The following HEPHL1 variants were observed in gnomAD, a reference collection of about 807,000 sequenced individuals.
HEPHL1 encodes ferroxidase HEPHL1.
In HEPHL1, 123 loss-of-function variants were observed where a neutral mutation model predicts 122.0. The observed-to-expected ratio is 1.01, with a 90% CI of 0.87 to 1.17. The LOEUF (loss-of-function observed/expected upper bound fraction) is 1.17, where lower values mean the gene tolerates loss of function less well. Ranked by LOEUF, HEPHL1 falls within the 50% of genes most tolerant of loss-of-function variation. HEPHL1 has a pLI of 0.00. For missense variants in HEPHL1, 1,452 were observed against 1,430.5 expected, an observed-to-expected ratio of 1.01 and a Z score of -0.24; for synonymous variants, 527 against 508.9, an observed-to-expected ratio of 1.04 and a Z score of -0.48.
At chr11:94,057,182 CT>C (rs1367226964) in intron 2 of HEPHL1, among the ~76,000 whole-genome samples, 2 of 152,070 alleles carry the variant, frequency 1.3e-5, no homozygotes, top group African/African-American at 4.8e-5. Context: ...TCAATATTAT[CT>C]TTTTGTCTTC....
chr11:94,042,638 C>T (rs958992967), intron 1 of HEPHL1, among the ~76,000 whole-genome samples: 5 of 148,728 alleles, frequency 3.4e-5, no homozygotes, highest in African/African-American at 5.0e-5. Flanking sequence ...AAAAATCAAA[C>T]ACCGCATATT....
Position 94,111,857 on chromosome 11 carries a change from A to C in HEPHL1, c.3443A>C (p.Gln1148Pro). The C allele has an allele frequency of 6.5e-7, 1 of 1,531,608 alleles. No homozygotes were observed. The highest frequency in any genetic ancestry group is 8.8e-7 in the Non-Finnish European group (1 of 1,141,688). The allele number at this position is 1,531,608 out of a possible 1,614,324, so 94.9% of individuals were successfully genotyped here. ...CSAMKQTDYQ[Q>P]VQSCALPTDA... ...GCAATGAAGCAGACAGATTACCAGC[A>C]AGTCCAGTCCTGTGCTCTCCCCACG... The change falls in exon 20 of 20, where the codon CAA becomes CCA. Residue 1148 changes from glutamine to proline, a missense_variant. Coordinates refer to ENST00000315765, the MANE Select transcript of HEPHL1 (RefSeq NM_001098672.2).
chr11:94,025,311 T>G (rs1162364697), intron 1 of HEPHL1, among the ~76,000 whole-genome samples: 1 of 152,188 alleles, frequency 6.6e-6, no homozygotes, highest in African/African-American at 2.4e-5. Context: ...GACACTGGGC[T>G]CCTTTGAGTT....
At chr11:94,083,468 A>G (rs530628986) in intron 10 of HEPHL1, among the ~76,000 whole-genome samples, 22 of 152,364 alleles carry the variant, frequency 1.4e-4, no homozygotes, top group African/African-American at 5.0e-4. Context: ...CAGAGTAATG[A>G]GAGTCCAAAC....
intron 9 of HEPHL1, among the ~76,000 whole-genome samples, chr11:94,077,482 G>A (rs756387942): frequency 6.6e-6 from 1 of 152,144 alleles, no homozygotes; most frequent in Admixed American, 6.5e-5. Context: ...CCACATCATG[G>A]AGAATGGGGT....
chr11:94,098,088 T>C (rs1946333864), intron 13 of HEPHL1, among the ~76,000 whole-genome samples: 1 of 152,266 alleles, frequency 6.6e-6, no homozygotes, highest in Admixed American at 6.5e-5. Flanking sequence ...CACTCATTAG[T>C]TGATGCAGTT....
At chr11:94,056,668 T>A (rs1021816858) in intron 2 of HEPHL1, among the ~76,000 whole-genome samples, 1 of 151,236 alleles carries the variant, frequency 6.6e-6, no homozygotes, top group South Asian at 2.1e-4. Flanking sequence ...TATCTATCTA[T>A]CTATCTATCT....
chr11:94,070,392 A>T lies in HEPHL1; in HGVS notation c.1082A>T (p.Tyr361Phe). The T allele has an allele frequency of 6.3e-7, 1 of 1,597,822 alleles. No homozygotes were observed. The highest frequency in any genetic ancestry group is 8.5e-7 in the Non-Finnish European group (1 of 1,171,320). Residue 361 changes from tyrosine (Y) to phenylalanine (F), a missense_variant, in exon 6 of 20, where the codon TAC becomes TTC. By Grantham distance (22) the Tyr-to-Phe change is conservative (BLOSUM62 3). Transcript: ENST00000315765. ...DHLQAGMLGQ[Y>F]NVDNCKSDIF... Reference sequence around the variant, plus strand: ...TCTGCAGCTGGTATGCTGGGGCAATACAATGTTGATAACTGCAAAAGTGAT... The same window carrying T: ...TCTGCAGCTGGTATGCTGGGGCAATTCAATGTTGATAACTGCAAAAGTGAT...
At chr11:94,055,253 G>A in intron 2 of HEPHL1, 1 of 273,240 alleles carries the variant, frequency 3.7e-6, no homozygotes, top group South Asian at 4.5e-5. Context: ...CCATGAATCT[G>A]GCCCTCTCTG....
intron 1 of HEPHL1, among the ~76,000 whole-genome samples, chr11:94,025,862 A>C (rs1028472188): frequency 2.6e-5 from 4 of 152,188 alleles, no homozygotes; most frequent in Admixed American, 6.5e-5. Context: ...CTTCTGTCTT[A>C]TCAGCACCAA....
intron 2 of HEPHL1, chr11:94,055,924 C>G (rs1945932629): frequency 7.9e-7 from 1 of 1,263,630 alleles, no homozygotes. Context: ...CCTGTAACAG[C>G]TAAGGCCAGG....
At chr11:94,075,139 G>T in intron 8 of HEPHL1, 35 bp from the exon 9 acceptor site, 1 of 1,575,920 alleles carries the variant, frequency 6.3e-7, no homozygotes, top group Non-Finnish European at 8.7e-7. Context: ...GTTCTTGCCT[G>T]TTGTTTTGAA....
At chr11:94,098,440 A>T (rs1340208512) in intron 13 of HEPHL1, among the ~76,000 whole-genome samples, 1 of 152,118 alleles carries the variant, frequency 6.6e-6, no homozygotes, top group Non-Finnish European at 1.5e-5. Context: ...CTGGCTGCCC[A>T]TAACATTTTT....
intron 11 of HEPHL1, among the ~76,000 whole-genome samples, chr11:94,088,015 A>G (rs1946232215): frequency 6.6e-6 from 1 of 152,218 alleles, no homozygotes; most frequent in African/African-American, 2.4e-5. Context: ...TTGAGAGTTA[A>G]TATCTTCAAT....
intron 8 of HEPHL1, among the ~76,000 whole-genome samples, chr11:94,074,420 T>C (rs1269678290): frequency 6.6e-6 from 1 of 151,470 alleles, no homozygotes; most frequent in Non-Finnish European, 1.5e-5. Flanking sequence ...TAGCAAGACC[T>C]TGTCTCTTAA....
At chr11:94,032,177 C>T (rs888665478) in intron 1 of HEPHL1, among the ~76,000 whole-genome samples, 9 of 152,148 alleles carry the variant, frequency 5.9e-5, no homozygotes, top group Admixed American at 5.9e-4. Context: ...GAATTTTATC[C>T]ACCCTGAAAT....
chr11:94,104,193 C>G (rs1946391135), intron 15 of HEPHL1, among the ~76,000 whole-genome samples: 1 of 152,064 alleles, frequency 6.6e-6, no homozygotes, highest in Admixed American at 6.6e-5. Flanking sequence ...TCCCATTTGG[C>G]TATCATATGG....
intron 5 of HEPHL1, among the ~76,000 whole-genome samples, chr11:94,069,021 T>G (rs1043751658): frequency 1.4e-4 from 21 of 152,150 alleles, no homozygotes; most frequent in Non-Finnish European, 7.3e-5. Flanking sequence ...TCAGTTAATA[T>G]GTACTAGATG....
At chr11:94,061,527 G>A (rs557197246) in intron 2 of HEPHL1, among the ~76,000 whole-genome samples, 3 of 151,802 alleles carry the variant, frequency 2.0e-5, no homozygotes, top group Admixed American at 2.0e-4. Flanking sequence ...AGTATCAAAT[G>A]CTGCTGAGAT....
Sources: allele counts gnomAD v4.1 joint callset (sites outside exome capture counted in the v4.1 genomes callset), GRCh38; gene constraint gnomAD v4.1.1; transcripts MANE v1.5; gene names NCBI Gene and HGNC (gene_info 2026-07-23, HGNC 2026-07-21).